ACOXL: variants seen among roughly 807,000 people sequenced by gnomAD.
ACOXL encodes the protein acyl-coenzyme A oxidase-like protein.
In ACOXL, 70 loss-of-function variants were observed where a neutral mutation model predicts 71.9. The ratio of observed to expected loss-of-function variants is 0.97; its 90% CI spans 0.80 to 1.19. The LOEUF (loss-of-function observed/expected upper bound fraction) is 1.19, where lower values mean the gene tolerates loss of function less well. Ranked by LOEUF, ACOXL falls within the 50% of genes most tolerant of loss-of-function variation. The probability of loss-of-function intolerance (pLI) is 0.00; values close to 1 mark genes in which losing one functional copy is unlikely to be tolerated. For missense variants in ACOXL, 703 were observed against 736.3 expected (o/e 0.95, Z 0.52); for synonymous variants, 253 against 281.6 (o/e 0.90, Z 1.02).
chr2:110,998,388 C>G (rs1341098655), intron 14 of ACOXL, among the ~76,000 whole-genome samples: 2 of 152,294 alleles, frequency 1.3e-5, no homozygotes, highest in Admixed American at 6.5e-5. Flanking sequence ...GTAATCAGAG[C>G]AAAGCAAAGA....
rs1204212969 is a variant in ACOXL at position 110,887,147 on chromosome 2, C to T, written c.789-21642C>T. 5.3e-5 allele frequency: 18 copies of T among 341,978 alleles called. No homozygotes were observed. In the East Asian group the frequency reaches 8.9e-4, roughly 17 times the overall value. The allele number at this position is 341,978 out of a possible 1,614,324, so 21.2% of individuals were successfully genotyped here. A position where few individuals can be genotyped will look rare whatever the true frequency, so the allele number is the denominator to read the frequency against. On this transcript the variant is annotated intron_variant, in intron 10 of 17. Coordinates refer to ENST00000439055, the MANE Select transcript of ACOXL (RefSeq NM_001142807.4). ...TGATCTGAAAGTGAAATCATTGACT[C>T]CGTTACCATGTTCTGAATTCCCAGA...
intron 3 of ACOXL, among the ~76,000 whole-genome samples, chr2:110,792,032 T>C (rs1684714373): frequency 6.6e-6 from 1 of 152,100 alleles, no homozygotes; most frequent in Non-Finnish European, 1.5e-5. Flanking sequence ...CAGGCTTCCA[T>C]CCCTCCAGAT....
chr2:110,890,847 T>C (rs951079695), intron 10 of ACOXL, among the ~76,000 whole-genome samples: 1 of 152,160 alleles, frequency 6.6e-6, no homozygotes, highest in African/African-American at 2.4e-5. Flanking sequence ...ATCTGAAAAA[T>C]GAGGAAACTT....
intron 15 of ACOXL, among the ~76,000 whole-genome samples, chr2:111,034,750 A>T (rs1471341853): frequency 3.3e-5 from 5 of 152,230 alleles, no homozygotes; most frequent in Non-Finnish European, 5.9e-5. Context: ...TCACCAGCGT[A>T]TCATTACATT....
intron 10 of ACOXL, among the ~76,000 whole-genome samples, chr2:110,857,470 G>A (rs1208393476): frequency 6.6e-6 from 1 of 152,118 alleles, no homozygotes; most frequent in Non-Finnish European, 1.5e-5. Flanking sequence ...AGCAGACTTA[G>A]GACTTTATTA....
intron 12 of ACOXL, among the ~76,000 whole-genome samples, chr2:110,965,474 T>C (rs1031822259): frequency 2.0e-5 from 3 of 152,358 alleles, no homozygotes; most frequent in Non-Finnish European, 2.9e-5. Flanking sequence ...CAACAGTGCC[T>C]AAAACAATTT....
intron 9 of ACOXL, among the ~76,000 whole-genome samples, chr2:110,832,933 C>T (rs1356145128): frequency 3.3e-5 from 5 of 152,154 alleles, no homozygotes; most frequent in African/African-American, 9.7e-5. Flanking sequence ...GCGCCAAATG[C>T]TGGTGAGGAT....
chr2:110,968,511 C>T, intron 12 of ACOXL: 1 of 1,297,688 alleles, frequency 7.7e-7, no homozygotes, highest in South Asian at 1.2e-5. Flanking sequence ...TCTCTCAATA[C>T]ACAAAGAACA....
At chr2:110,767,921 TAA>T (rs1681304727) in intron 1 of ACOXL, among the ~76,000 whole-genome samples, 2 of 101,992 alleles carry the variant, frequency 2.0e-5, no homozygotes, top group African/African-American at 7.9e-5. Flanking sequence ...CTGTCTCTAC[TAA>T]ACACACACAC....
At chr2:110,849,857 G>A (rs1266472003) in intron 10 of ACOXL, among the ~76,000 whole-genome samples, 1 of 152,174 alleles carries the variant, frequency 6.6e-6, no homozygotes, top group Non-Finnish European at 1.5e-5. Context: ...TTTCAGAATC[G>A]CTGTAAAGCT....
chr2:110,810,273 T>C (rs1481851124), intron 9 of ACOXL, among the ~76,000 whole-genome samples: 4 of 152,254 alleles, frequency 2.6e-5, no homozygotes, highest in African/African-American at 9.6e-5. Flanking sequence ...GGAATCACTT[T>C]GTGTTCATCT....
chr2:111,054,736 T>C (rs544675230), intron 16 of ACOXL, among the ~76,000 whole-genome samples: 1 of 152,318 alleles, frequency 6.6e-6, no homozygotes, highest in Non-Finnish European at 1.5e-5. Flanking sequence ...GTCAGACACA[T>C]TTGAATCCTC....
At chr2:110,765,736 G>C (rs368971808) in intron 1 of ACOXL, among the ~76,000 whole-genome samples, 38 of 152,228 alleles carry the variant, frequency 2.5e-4, no homozygotes, top group African/African-American at 9.2e-4. Flanking sequence ...TCTTTTGTAA[G>C]GGCATAAATC....
At chr2:110,793,935 C>G (rs1029483466) in intron 4 of ACOXL, 141 bp from the exon 5 acceptor site, 2 of 852,000 alleles carry the variant, frequency 2.3e-6, no homozygotes, top group East Asian at 2.6e-5. Context: ...AGCTCACATT[C>G]GCTGTCATCA....
intron 16 of ACOXL, among the ~76,000 whole-genome samples, chr2:111,063,948 A>G (rs962416195): frequency 6.6e-6 from 1 of 152,212 alleles, no homozygotes; most frequent in African/African-American, 2.4e-5. Flanking sequence ...AGAGAGAGAA[A>G]GGACGGAAGG....
chr2:110,844,711 C>G (rs546161580), intron 10 of ACOXL, among the ~76,000 whole-genome samples: 1 of 152,200 alleles, frequency 6.6e-6, no homozygotes, highest in South Asian at 2.1e-4. Context: ...TCACGCCCAG[C>G]TAATTTTTTA....
At chr2:110,885,746 G>A (rs1307760900) in intron 10 of ACOXL, among the ~76,000 whole-genome samples, 1 of 152,156 alleles carries the variant, frequency 6.6e-6, no homozygotes, top group Non-Finnish European at 1.5e-5. Flanking sequence ...GGTGACCCAT[G>A]GAGGTTTTTG....
intron 10 of ACOXL, among the ~76,000 whole-genome samples, chr2:110,902,640 A>G (rs925103893): frequency 6.6e-6 from 1 of 152,164 alleles, no homozygotes; most frequent in South Asian, 2.1e-4. Context: ...ACACATTCTT[A>G]CTGATAATAA....
chr2:110,920,781 A>G (rs1246955384), intron 11 of ACOXL, among the ~76,000 whole-genome samples: 1 of 152,144 alleles, frequency 6.6e-6, no homozygotes, highest in Admixed American at 6.5e-5. Flanking sequence ...ATTTGGGGAT[A>G]GTCTGCCTAT....
Sources: gnomAD v4.1 joint callset for allele counts (sites outside exome capture counted in the v4.1 genomes callset) on GRCh38, gnomAD v4.1.1 for gene constraint, MANE v1.5 for transcripts, NCBI Gene and HGNC (gene_info 2026-07-23, HGNC 2026-07-21) for gene names.